Variants in MSL3 observed in about 807,000 individuals in gnomAD.
MSL3 encodes the protein MSL3-like 1.
MSL3 carries 5 observed loss-of-function variants against 37.2 expected under a neutral mutation model. The ratio of observed to expected loss-of-function variants is 0.13; its 90% CI spans 0.07 to 0.28. MSL3 has a LOEUF of 0.28. Ranked by LOEUF, MSL3 falls within the 10% of genes least tolerant of loss-of-function variation. MSL3 has a pLI of 1.00. For synonymous variants in MSL3, 149 were observed against 147.6 expected, an observed-to-expected ratio of 1.01 and a Z score of -0.07; for missense variants, 315 against 408.5, an observed-to-expected ratio of 0.77 and a Z score of 1.97.
At chrX:11,760,540 T>C in intron 3 of MSL3, 42 bp downstream of exon 3, 1 of 989,517 alleles carries the variant, frequency 1.0e-6, no homozygotes, top group Non-Finnish European at 1.4e-6. Flanking sequence ...ATCCAATGTG[T>C]TTTCTCTTAG....
At chrX:11,765,972 A>G in intron 9 of MSL3, 6 of 1,026,577 alleles carry the variant, frequency 5.8e-6, no homozygotes, top group Non-Finnish European at 7.4e-6. Flanking sequence ...CTTTTTTGCC[A>G]TCACTCTACC....
chrX:11,760,722 C>A, intron 3 of MSL3, 115 bp from the exon 4 acceptor site: 3 of 652,767 alleles, frequency 4.6e-6, no homozygotes, highest in Non-Finnish European at 6.7e-6. Context: ...CATTTATGTT[C>A]TAAAGTTTAA....
In MSL3 at chrX:11,774,965, A is replaced by T. The variant is rs1601775971; in HGVS notation, c.1467-15A>T. The stretch of plus-strand genomic sequence containing the variant: ...CCTTAGTATGGTGCTCATTGGGGCT[A>T]TTTTTTTTTTCCAGGTTTTTAGCAG... On this transcript the variant is annotated splice_polypyrimidine_tract_variant and intron_variant, in intron 12 of 12. Transcript: ENST00000312196. 9.5e-7 allele frequency: 1 copy of T among 1,054,898 alleles called. No homozygotes were observed. Among genetic ancestry groups the T allele is most frequent in the Non-Finnish European group, 1.3e-6 (1 of 774,652 alleles). 86.9% of individuals were successfully genotyped at this position (1,054,898 alleles called of 1,213,427 possible).
intron 7 of MSL3, among the ~76,000 whole-genome samples, chrX:11,763,531 G>T (rs113275793): frequency 2.7e-5 from 3 of 112,684 alleles, no homozygotes; most frequent in Non-Finnish European, 1.9e-5. Flanking sequence ...TGGACACCTC[G>T]TGTGGCCTCA....
In MSL3 at chrX:11,774,961, G is replaced by C. The variant is rs1311374617; in HGVS notation, c.1467-19G>C. ...TAGTCCTTAGTATGGTGCTCATTGG[G>C]GCTATTTTTTTTTTCCAGGTTTTTA... On this transcript the variant is annotated intron_variant, in intron 12 of 12. Transcript: ENST00000312196. The C allele has an allele frequency of 8.7e-7, 1 of 1,152,992 alleles. No homozygotes were observed. Among genetic ancestry groups the C allele is most frequent in the African/African-American group, 1.8e-5 (1 of 56,195 alleles).
At chrX:11,770,126 T>A (rs1249258371) in intron 10 of MSL3, among the ~76,000 whole-genome samples, 1 of 112,915 alleles carries the variant, frequency 8.9e-6, no homozygotes, top group Non-Finnish European at 1.9e-5. Context: ...GAGAATTTAA[T>A]GTCATGTGAT....
chrX:11,770,853 C>T (rs1280823970), intron 10 of MSL3, among the ~76,000 whole-genome samples: 1 of 112,615 alleles, frequency 8.9e-6, no homozygotes, highest in African/African-American at 3.2e-5. Context: ...GTTCATGCCT[C>T]TGAGATTGCA....
chrX:11,758,254 C>T lies in MSL3; in HGVS notation c.-10C>T. The T allele has an allele frequency of 9.5e-7, 1 of 1,050,072 alleles. No homozygotes were observed. 86.5% of individuals were successfully genotyped at this position (1,050,072 alleles called of 1,213,427 possible). On this transcript the variant is annotated 5_prime_UTR_variant, in exon 1 of 13. The change creates a new upstream start codon in the 5' untranslated region. Coordinates refer to ENST00000312196, the MANE Select transcript of MSL3 (RefSeq NM_078629.4). ...CGCCCCGGAGCCTCGCCCTCCGCCA[C>T]GATGAGCAAATGAGCGCGAGCGAGG...
chrX:11,767,382 C>T (rs1022365961), intron 9 of MSL3: 1 of 417,874 alleles, frequency 2.4e-6, no homozygotes, highest in Non-Finnish European at 3.0e-6. Flanking sequence ...GTGGTTCATG[C>T]CTGTGAGACT....
rs766318323 is a variant in MSL3 at position 11,760,529 on chromosome X, T to C, written c.281+31T>C. 5.7e-6 allele frequency: 6 copies of C among 1,045,544 alleles called. No homozygotes were observed. In the South Asian group the frequency reaches 1.3e-4, roughly 23 times the overall value. 86.2% of individuals were successfully genotyped at this position (1,045,544 alleles called of 1,213,427 possible). A position where few individuals can be genotyped will look rare whatever the true frequency, so the allele number is the denominator to read the frequency against. ...AATACAAAAATCAAGATATAAATGT[T>C]ATCCAATGTGTTTTCTCTTAGTGTT... is the stretch of plus-strand genomic sequence containing the variant. On this transcript the variant is annotated intron_variant, in intron 3 of 12. Transcript: ENST00000312196.
In MSL3 at chrX:11,760,419, G is replaced by A; in HGVS notation, c.202G>A (p.Ala68Thr). 8.3e-7 allele frequency: 1 copy of A among 1,200,585 alleles called. No homozygotes were observed. Among genetic ancestry groups the A allele is most frequent in the Non-Finnish European group, 1.1e-6 (1 of 890,461 alleles). Residue 68 changes from alanine to threonine, a missense_variant, in exon 3 of 13, where the codon GCA becomes ACA. Physicochemically the swap from Ala to Thr is moderately conservative, Grantham distance 58. Transcript: ENST00000312196. ...TTCAATTAGCTGGGATAGATGGGCA[G>A]CAGAAGATCATGTGCTTCGTGATAC... ...GWNRSWDRWA[A>T]EDHVLRDTDE...
chrX:11,772,393 C>A, intron 11 of MSL3, 138 bp downstream of exon 11: 1 of 512,826 alleles, frequency 1.9e-6, no homozygotes, highest in Non-Finnish European at 3.2e-6. Context: ...AGTAATCTAT[C>A]AAAGAAAAGG....
chrX:11,770,061 A>G (rs1417499130), intron 10 of MSL3, among the ~76,000 whole-genome samples: 2 of 113,189 alleles, frequency 1.8e-5, no homozygotes, highest in Non-Finnish European at 3.7e-5. Context: ...TGGCTCTGCC[A>G]TAAACAAAGG....
chrX:11,761,606 C>A (rs767548297), intron 5 of MSL3, 24 bp downstream of exon 5: 2 of 1,004,847 alleles, frequency 2.0e-6, no homozygotes, highest in South Asian at 4.5e-5. Flanking sequence ...ATTGTAAAAA[C>A]TTTCTCTTTG....
At chrX:11,772,586 A>C in intron 11 of MSL3, 35 bp from the exon 12 acceptor site, 3 of 998,524 alleles carry the variant, frequency 3.0e-6, no homozygotes, top group Non-Finnish European at 4.2e-6. Flanking sequence ...AGATTCTGCT[A>C]ATTGTAAATG....
chrX:11,772,357 A>G, intron 11 of MSL3, 102 bp downstream of exon 11: 1 of 660,868 alleles, frequency 1.5e-6, no homozygotes, highest in African/African-American at 2.2e-5. Context: ...CTAACTAAGA[A>G]ATTTGGGGAT....
At chrX:11,758,687 C>A (rs1249176798) in intron 1 of MSL3, 4 of 1,166,102 alleles carry the variant, frequency 3.4e-6, no homozygotes, top group Non-Finnish European at 4.6e-6. Context: ...TTCTCGAATA[C>A]GGTTTCTGTC....
intron 5 of MSL3, 134 bp downstream of exon 5, chrX:11,761,716 A>T (rs1427934751): frequency 2.5e-6 from 1 of 396,262 alleles, no homozygotes; most frequent in Non-Finnish European, 4.1e-6. Flanking sequence ...TTTTTATTTG[A>T]CATTTAAAGA....
rs927138519 is a variant in MSL3 at position 11,760,636 on chromosome X, AAGAGTG to A, written c.281+139_281+144del. 1.0e-5 allele frequency: 5 copies of A among 499,021 alleles called. No individual in the cohort carries two copies. In the Admixed American group the frequency reaches 2.4e-4, roughly 24 times the overall value. The allele number at this position is 499,021 out of a possible 1,213,427, so 41.1% of individuals were successfully genotyped here. A position where few individuals can be genotyped will look rare whatever the true frequency, so the allele number is the denominator to read the frequency against. On this transcript the variant is annotated intron_variant, in intron 3 of 12. Coordinates refer to ENST00000312196, the MANE Select transcript of MSL3 (RefSeq NM_078629.4). ...TTAAATATTTAAAGTGTGTAAGGGG[AAGAGTG>A]TTCCTATGGTATTCTAAATAACAGT...
Sources: allele counts gnomAD v4.1 joint callset (sites outside exome capture counted in the v4.1 genomes callset), GRCh38; gene constraint gnomAD v4.1.1; transcripts MANE v1.5; gene names NCBI Gene and HGNC (gene_info 2026-07-23, HGNC 2026-07-21).